ST3GAL3: variants seen among roughly 807,000 people sequenced by gnomAD.
The protein encoded by ST3GAL3 is ST3 beta-galactoside alpha-2,3-sialyltransferase 3, also known as CMP-N-acetylneuraminate-beta-1,4-galactoside alpha-2,3-sialyltransferase.
A neutral mutation model predicts 50.1 loss-of-function variants in ST3GAL3; 21 were observed. The observed-to-expected ratio is 0.42, with a 90% CI of 0.30 to 0.60. The LOEUF is 0.60. Among genes scored for constraint, ST3GAL3 ranks in the 20% least tolerant of loss-of-function variants. The pLI is 0.19. For missense variants in ST3GAL3, 353 were observed against 489.4 expected, an observed-to-expected ratio of 0.72 and a Z score of 2.63; for synonymous variants, 183 against 190.0, an observed-to-expected ratio of 0.96 and a Z score of 0.30.
In ST3GAL3 at chr1:43,736,234, T is replaced by A; in HGVS notation, c.-29T>A. The A allele has an allele frequency of 1.9e-6, 3 of 1,614,078 alleles. No individual in the cohort carries two copies. In the South Asian group the frequency reaches 3.3e-5, roughly 18 times the overall value. On this transcript the variant is annotated splice_region_variant and 5_prime_UTR_variant, in exon 2 of 12. Coordinates refer to ENST00000347631, the MANE Select transcript of ST3GAL3 (RefSeq NM_006279.5). ...AGAACTAAACTTTTTCTTTTCTAGGTCATTTAGGAAATCGTAAATCATGTG... is the reference window on the plus strand; with the variant it reads ...AGAACTAAACTTTTTCTTTTCTAGGACATTTAGGAAATCGTAAATCATGTG...
chr1:43,738,061 AT>A, intron 2 of ST3GAL3: 1 of 152,348 alleles, frequency 6.6e-6, no homozygotes, highest in South Asian at 2.1e-4. Flanking sequence ...ATTGAAAAAT[AT>A]AATAAATACT....
intron 2 of ST3GAL3, among the ~76,000 whole-genome samples, chr1:43,765,753 CTGTG>C (rs778848698): frequency 0.06 from 6,994 of 115,624 alleles, 194 homozygotes; most frequent in East Asian, 0.21. Flanking sequence ...CTGTGTGTGT[CTGTG>C]TGTGTGTGTG....
At chr1:43,850,848 TGAA>T in intron 5 of ST3GAL3, 2 of 1,202,494 alleles carry the variant, frequency 1.7e-6, no homozygotes, top group Non-Finnish European at 2.5e-6. Flanking sequence ...GGGACCTCCC[TGAA>T]GGCCAGGGAA....
At chr1:43,797,532 G>GA (rs1481646801) in intron 3 of ST3GAL3, among the ~76,000 whole-genome samples, 3 of 151,782 alleles carry the variant, frequency 2.0e-5, no homozygotes, top group Non-Finnish European at 2.9e-5. Context: ...ACTGTCTAAA[G>GA]AAAAAAAACT....
chr1:43,745,050 A>G (rs1288068819), intron 2 of ST3GAL3, among the ~76,000 whole-genome samples: 2 of 151,986 alleles, frequency 1.3e-5, no homozygotes, highest in Non-Finnish European at 2.9e-5. Context: ...TGTAATCCCA[A>G]CACTTTGGGA....
chr1:43,907,617 A>T (rs907255431), intron 9 of ST3GAL3, among the ~76,000 whole-genome samples: 1 of 152,104 alleles, frequency 6.6e-6, no homozygotes, highest in Non-Finnish European at 1.5e-5. Context: ...CTACAAACTT[A>T]CCTGCATCCC....
intron 3 of ST3GAL3, among the ~76,000 whole-genome samples, chr1:43,803,125 T>G (rs192254682): frequency 3.9e-5 from 6 of 152,152 alleles, no homozygotes; most frequent in Admixed American, 3.3e-4. Context: ...GGGGTTTCAC[T>G]GTATTGGCCA....
intron 5 of ST3GAL3, among the ~76,000 whole-genome samples, chr1:43,867,823 G>T (rs568309818): frequency 6.6e-6 from 1 of 152,136 alleles, no homozygotes; most frequent in African/African-American, 2.4e-5. Flanking sequence ...AAAACAGAAT[G>T]ACCTAACTCT....
intron 9 of ST3GAL3, among the ~76,000 whole-genome samples, chr1:43,908,305 T>C (rs1046794655): frequency 1.3e-5 from 2 of 152,162 alleles, no homozygotes; most frequent in African/African-American, 4.8e-5. Context: ...TTCTAAAGAA[T>C]CCTCCTAAAG....
intron 5 of ST3GAL3, chr1:43,841,078 G>A (rs1052189131): frequency 1.3e-5 from 2 of 152,264 alleles, no homozygotes; most frequent in African/African-American, 4.8e-5. Flanking sequence ...CAAGAAGTGG[G>A]CCCCCAAGAT....
intron 5 of ST3GAL3, among the ~76,000 whole-genome samples, chr1:43,857,552 T>C (rs1474886560): frequency 4.4e-5 from 5 of 114,070 alleles, no homozygotes; most frequent in Non-Finnish European, 7.2e-5. Context: ...CCTCCCTTCC[T>C]TCCTTTCCTT....
In ST3GAL3 at chr1:43,798,688, A is replaced by G. The variant is rs117748676; in HGVS notation, c.166+6539A>G. On this transcript the variant is annotated intron_variant, in intron 3 of 11. Transcript: ENST00000347631. ...CTAACCAGTCCTTCTCTAAAAAAGT[A>G]TGTCTTCAGTTTTTCTTAGCATGCC... 1.9e-3 allele frequency among the ~76,000 whole-genome samples: 288 copies of G among 152,298 alleles called. 6 individuals carry two copies. In the East Asian group the frequency reaches 0.051, roughly 27 times the overall value.
intron 9 of ST3GAL3, among the ~76,000 whole-genome samples, chr1:43,907,028 C>CCT (rs2079897497): frequency 6.6e-6 from 1 of 152,108 alleles, no homozygotes; most frequent in African/African-American, 2.4e-5. Flanking sequence ...TCCTATCTGC[C>CCT]ATGGTCTGTG....
chr1:43,870,394 A>G (rs2072390342), intron 5 of ST3GAL3, among the ~76,000 whole-genome samples: 1 of 152,228 alleles, frequency 6.6e-6, no homozygotes, highest in African/African-American at 2.4e-5. Context: ...GGCCGTCACA[A>G]TCACAGGCCA....
At chr1:43,759,946 A>G (rs1160856275) in intron 2 of ST3GAL3, among the ~76,000 whole-genome samples, 1 of 152,164 alleles carries the variant, frequency 6.6e-6, no homozygotes. Context: ...GTGAGAACCC[A>G]TCTCAAAAAA....
intron 1 of ST3GAL3, among the ~76,000 whole-genome samples, chr1:43,722,921 A>G (rs540324597): frequency 6.6e-6 from 1 of 152,142 alleles, no homozygotes; most frequent in East Asian, 1.9e-4. Flanking sequence ...CATAGTTTGG[A>G]TATTTGTTCT....
At chr1:43,807,014 AAAG>A (rs2059966429) in intron 3 of ST3GAL3, among the ~76,000 whole-genome samples, 1 of 152,194 alleles carries the variant, frequency 6.6e-6, no homozygotes, top group African/African-American at 2.4e-5. Flanking sequence ...AAATAAAGAG[AAAG>A]ATATGTTCAA....
chr1:43,783,776 A>G (rs958327898), intron 2 of ST3GAL3, among the ~76,000 whole-genome samples: 1 of 152,048 alleles, frequency 6.6e-6, no homozygotes, highest in Non-Finnish European at 1.5e-5. Flanking sequence ...CAGCTGGTAG[A>G]ATTCCAGCTA....
chr1:43,929,977 A>T (rs1291886015), intron 11 of ST3GAL3, 155 bp from the exon 12 acceptor site: 2 of 771,744 alleles, frequency 2.6e-6, no homozygotes, highest in Non-Finnish European at 4.7e-6. Context: ...CAGGGTCATC[A>T]TTACCGTGTA....
Sources: gnomAD v4.1 joint callset for allele counts (sites outside exome capture counted in the v4.1 genomes callset) on GRCh38, gnomAD v4.1.1 for gene constraint, MANE v1.5 for transcripts, NCBI Gene and HGNC (gene_info 2026-07-23, HGNC 2026-07-21) for gene names.